Variants in PARN observed in about 807,000 individuals in gnomAD.
PARN encodes poly(A)-specific ribonuclease PARN.
PARN carries 71 observed loss-of-function variants against 102.8 expected under a neutral mutation model. The ratio of observed to expected loss-of-function variants is 0.69; its 90% CI spans 0.57 to 0.84. PARN has a LOEUF of 0.84. Among genes scored for constraint, PARN ranks in the 40% least tolerant of loss-of-function variants. The pLI is 0.00. For synonymous variants in PARN, 261 were observed against 252.9 expected (o/e 1.03, Z -0.30); for missense variants, 782 against 760.9 (o/e 1.03, Z -0.33).
chr16:14,464,944 T>C (rs1380161752), intron 22 of PARN, among the ~76,000 whole-genome samples: 1 of 152,178 alleles, frequency 6.6e-6, no homozygotes, highest in Non-Finnish European at 1.5e-5. Context: ...AGCAGGTCTT[T>C]GCCATAAGAC....
intron 21 of PARN, among the ~76,000 whole-genome samples, chr16:14,531,761 T>C (rs535418992): frequency 2.0e-5 from 3 of 152,292 alleles, no homozygotes; most frequent in East Asian, 1.9e-4. Flanking sequence ...GGCAGCTCTA[T>C]TTGGTTGACC....
At chr16:14,436,809 C>A (rs1288011846) in intron 23 of PARN, 37 bp from the exon 24 acceptor site, 8 of 1,481,892 alleles carry the variant, frequency 5.4e-6, no homozygotes, top group Admixed American at 1.9e-5. Flanking sequence ...AACAGCAGGA[C>A]CAGGACGGCA....
chr16:14,494,908 G>A (rs868208355), intron 21 of PARN, among the ~76,000 whole-genome samples: 1 of 152,310 alleles, frequency 6.6e-6, no homozygotes, highest in Non-Finnish European at 1.5e-5. Context: ...CACAGGAATG[G>A]GGTAGATGGT....
chr16:14,520,358 A>G (rs1384832242), intron 21 of PARN, among the ~76,000 whole-genome samples: 1 of 152,212 alleles, frequency 6.6e-6, no homozygotes, highest in Non-Finnish European at 1.5e-5. Flanking sequence ...TTAACAGTCT[A>G]TCAATAGTTT....
chr16:14,478,257 C>T (rs544063556), intron 22 of PARN, among the ~76,000 whole-genome samples: 15 of 152,062 alleles, frequency 9.9e-5, no homozygotes, highest in East Asian at 7.7e-4. Flanking sequence ...TCAAGGCTGC[C>T]GTGAGCTATG....
At chr16:14,445,128 C>T (rs1182014663) in intron 23 of PARN, among the ~76,000 whole-genome samples, 1 of 151,616 alleles carries the variant, frequency 6.6e-6, no homozygotes, top group Non-Finnish European at 1.5e-5. Context: ...ATGCCTGGCC[C>T]CCTCCAATAG....
intron 16 of PARN, among the ~76,000 whole-genome samples, chr16:14,583,124 C>A (rs1441243078): frequency 6.6e-6 from 1 of 152,164 alleles, no homozygotes; most frequent in Non-Finnish European, 1.5e-5. Flanking sequence ...GCTTTATATA[C>A]AATATGGTTC....
intron 21 of PARN, among the ~76,000 whole-genome samples, chr16:14,549,458 T>C (rs1430211567): frequency 6.6e-6 from 1 of 151,946 alleles, no homozygotes; most frequent in East Asian, 1.9e-4. Flanking sequence ...GACAATAGAG[T>C]GCTTCTATGG....
intron 21 of PARN, among the ~76,000 whole-genome samples, chr16:14,528,520 G>A (rs1966132059): frequency 6.6e-6 from 1 of 152,174 alleles, no homozygotes; most frequent in Non-Finnish European, 1.5e-5. Context: ...CAAACACCAA[G>A]AGCTTCACAC....
rs577206136 is a variant in PARN, at chr16:14,575,591, A to T, written c.1262+5283T>A. Among the ~76,000 whole-genome samples the T allele has an allele frequency of 3.1e-4, 47 of 152,290 alleles. No individual in the cohort carries two copies. The East Asian group carries it at 9.1e-3, about 29-fold the overall frequency. On this transcript the variant is annotated intron_variant, in intron 18 of 23. Coordinates refer to ENST00000437198, the MANE Select transcript of PARN (RefSeq NM_002582.4). ...TATCCATAGCCTGTACCCCCATTGTATCTAGGAAGTAACTAACTTGCTTGT... is the reference window on the plus strand; with the variant it reads ...TATCCATAGCCTGTACCCCCATTGTTTCTAGGAAGTAACTAACTTGCTTGT...
intron 18 of PARN, 148 bp from the exon 19 acceptor site, chr16:14,555,857 A>G (rs911503679): frequency 1.9e-5 from 9 of 475,112 alleles, no homozygotes; most frequent in African/African-American, 1.2e-4. Flanking sequence ...TCTATTTGTA[A>G]AATTATTTCT....
chr16:14,535,510 A>T (rs187507628), intron 21 of PARN, among the ~76,000 whole-genome samples: 1 of 152,368 alleles, frequency 6.6e-6, no homozygotes, highest in Non-Finnish European at 1.5e-5. Flanking sequence ...GATTTAAACC[A>T]AAAAGTTGAT....
Position 14,515,903 on chromosome 16 carries a change from G to A in PARN, c.1481-33076C>T, listed in dbSNP as rs112821666. 8.1e-3 allele frequency among the ~76,000 whole-genome samples: 1,226 copies of A among 152,206 alleles called. 10 individuals are homozygous for A. The highest frequency in any genetic ancestry group is 0.013 in the Non-Finnish European group (893 of 68,016). ...TGCAGTGAGCTATGATAGCACCAAT[G>A]CACTCCAGCCTAGGTTAACAGATAG... On this transcript the variant is annotated intron_variant, in intron 21 of 23. Transcript: ENST00000437198.
chr16:14,470,950 TTTG>T (rs887065672), intron 22 of PARN, among the ~76,000 whole-genome samples: 10 of 152,034 alleles, frequency 6.6e-5, no homozygotes, highest in African/African-American at 2.2e-4. Flanking sequence ...TTTTTTGATT[TTTG>T]TTGTTGTTGT....
At chr16:14,606,110 C>T (rs1429512854) in intron 10 of PARN, among the ~76,000 whole-genome samples, 2 of 152,114 alleles carry the variant, frequency 1.3e-5, no homozygotes, top group East Asian at 1.9e-4. Context: ...TGACTTTCAG[C>T]ACACTAAGGA....
At chr16:14,492,672 T>C (rs1964121289) in intron 21 of PARN, among the ~76,000 whole-genome samples, 1 of 152,200 alleles carries the variant, frequency 6.6e-6, no homozygotes, top group Non-Finnish European at 1.5e-5. Flanking sequence ...GTCACTTCAC[T>C]TTACAGTTCT....
intron 22 of PARN, among the ~76,000 whole-genome samples, chr16:14,472,208 T>C (rs1962787642): frequency 6.6e-6 from 1 of 152,262 alleles, no homozygotes; most frequent in African/African-American, 2.4e-5. Context: ...GTACATTACA[T>C]GGTAAAATCA....
At position 14,552,104 on chromosome 16, in the gene PARN, G is replaced by A. The variant is rs530099133; in HGVS notation, c.1406-9C>T. The A allele has an allele frequency of 6.6e-5, 104 of 1,581,508 alleles. No homozygotes were observed. The highest frequency in any genetic ancestry group is 6.1e-4 in the African/African-American group (45 of 74,338). On this transcript the variant is annotated splice_polypyrimidine_tract_variant and intron_variant, in intron 20 of 23. Coordinates refer to ENST00000437198, the MANE Select transcript of PARN (RefSeq NM_002582.4). ...GGATATCTGAATGTTACCTGCAATC[G>A]CAAATTAAAAGTAAAGTGAACATTT...
chr16:14,597,051 T>C (rs1274204484), intron 12 of PARN, among the ~76,000 whole-genome samples: 1 of 152,082 alleles, frequency 6.6e-6, no homozygotes, highest in Non-Finnish European at 1.5e-5. Flanking sequence ...CCTCCCAAAG[T>C]ACTGGGATTA....
Sources: gnomAD v4.1 joint callset for allele counts (sites outside exome capture counted in the v4.1 genomes callset) on GRCh38, gnomAD v4.1.1 for gene constraint, MANE v1.5 for transcripts, NCBI Gene and HGNC (gene_info 2026-07-23, HGNC 2026-07-21) for gene names.